The following DEAF1 variants were observed in gnomAD, a reference collection of about 807,000 sequenced individuals.
The protein encoded by DEAF1 is deformed epidermal autoregulatory factor 1 homolog.
In DEAF1, 53 loss-of-function variants were observed where a neutral mutation model predicts 58.9. That is an observed-to-expected ratio of 0.90 (90% CI 0.72 to 1.13). The LOEUF is 1.13. DEAF1 is among the 50% of genes most tolerant of loss of function. The pLI is 0.00. For missense variants in DEAF1, 685 were observed against 791.4 expected, an observed-to-expected ratio of 0.87 and a Z score of 1.61; for synonymous variants, 385 against 340.4, an observed-to-expected ratio of 1.13 and a Z score of -1.44.
At chr11:670,235 T>C (rs1859750838) in intron 10 of DEAF1, among the ~76,000 whole-genome samples, 1 of 152,068 alleles carries the variant, frequency 6.6e-6, no homozygotes, top group South Asian at 2.1e-4. Context: ...ATTGAGGCAC[T>C]TTGCTGTACA....
rs533766653 is a variant in DEAF1 at position 654,034 on chromosome 11, G to A, written c.1521C>T (p.Cys507=). 28 of 1,613,486 alleles carry A rather than the reference G, an allele frequency of 1.7e-5. No individual in the cohort carries two copies. Among genetic ancestry groups the A allele is most frequent in the East Asian group, 6.7e-5 (3 of 44,874 alleles). ...TGCACTCGCTCATAGCCTCCCGGCCGCAGTTAACGCAGGACTGCTGCAAGA... is the reference window on the plus strand; with the variant it reads ...TGCACTCGCTCATAGCCTCCCGGCCACAGTTAACGCAGGACTGCTGCAAGA... ...AERKEQSCVN[C]GREAMSECTG... The change falls in exon 11 of 12, where the codon TGC becomes TGT. Residue 507 remains cysteine, a synonymous_variant. Coordinates refer to ENST00000382409, the MANE Select transcript of DEAF1 (RefSeq NM_021008.4).
At chr11:702,392 C>T (rs1861538239) in intron 1 of DEAF1, among the ~76,000 whole-genome samples, 1 of 152,228 alleles carries the variant, frequency 6.6e-6, no homozygotes, top group African/African-American at 2.4e-5. Context: ...AGGGTGTGGC[C>T]TGGCCCTGCT....
intron 10 of DEAF1, among the ~76,000 whole-genome samples, chr11:664,102 A>G (rs1388360244): frequency 5.3e-5 from 8 of 152,108 alleles, no homozygotes; most frequent in Admixed American, 1.3e-4. Flanking sequence ...ATTCCCAGCT[A>G]CTCAGGAGGC....
At chr11:703,348 T>A in intron 1 of DEAF1, 1 of 1,396,838 alleles carries the variant, frequency 7.2e-7, no homozygotes, top group Non-Finnish European at 9.3e-7. Context: ...GGCCCTGGTG[T>A]TGGGAACAGC....
At chr11:698,754 C>A, upstream of DEAF1, 2 of 1,274,442 alleles carry the variant, frequency 1.6e-6, no homozygotes, top group Non-Finnish European at 2.3e-6. Flanking sequence ...CTGCTTTCTA[C>A]AAATACGAGA....
intron 1 of DEAF1, chr11:703,943 T>A (rs1161695849): frequency 4.8e-6 from 6 of 1,243,390 alleles, no homozygotes; most frequent in Non-Finnish European, 6.0e-6. Flanking sequence ...ATTCTAGCTC[T>A]GTGTTTTTTT....
chr11:698,899 G>A (rs1861320116), upstream of DEAF1: 3 of 1,614,064 alleles, frequency 1.9e-6, no homozygotes. Context: ...GTATCCTGCT[G>A]CGTGCCCCTC....
At chr11:652,914 TC>T (rs1181863058) in intron 11 of DEAF1, among the ~76,000 whole-genome samples, 1 of 151,242 alleles carries the variant, frequency 6.6e-6, no homozygotes, top group Non-Finnish European at 1.5e-5. Flanking sequence ...TGAGACCCCG[TC>T]TCTACTAAAA....
rs1390224885 is a variant in DEAF1, at chr11:674,787, G to C, written c.1256-4C>G. On this transcript the variant is annotated splice_region_variant and splice_polypyrimidine_tract_variant and intron_variant, in intron 9 of 11. Coordinates refer to ENST00000382409, the MANE Select transcript of DEAF1 (RefSeq NM_021008.4). Reference sequence around the variant, plus strand: ...AGCGCAGGCAGGGATGTCAACACTAGAGCATTTGGAAAGCAAAACAAACCA... The same window carrying C: ...AGCGCAGGCAGGGATGTCAACACTACAGCATTTGGAAAGCAAAACAAACCA... 6.2e-7 allele frequency: 1 copy of C among 1,610,588 alleles called. No homozygotes were observed. Among genetic ancestry groups the C allele is most frequent in the Admixed American group, 1.7e-5 (1 of 60,014 alleles).
intron 11 of DEAF1, among the ~76,000 whole-genome samples, chr11:649,824 G>C (rs746166338): frequency 8.6e-5 from 13 of 151,916 alleles, no homozygotes; most frequent in Admixed American, 2.0e-4. Context: ...TCAGGAGTTC[G>C]AGACCAGCCT....
At chr11:648,585 G>C (rs1294469646) in intron 11 of DEAF1, among the ~76,000 whole-genome samples, 1 of 152,136 alleles carries the variant, frequency 6.6e-6, no homozygotes, top group Non-Finnish European at 1.5e-5. Flanking sequence ...GCTTTTAAAA[G>C]AACGGGATGT....
At chr11:685,639 G>A (rs1277708417) in intron 5 of DEAF1, among the ~76,000 whole-genome samples, 1 of 152,092 alleles carries the variant, frequency 6.6e-6, no homozygotes, top group Admixed American at 6.5e-5. Context: ...AGGTTACAGT[G>A]AGCTGAGATC....
At chr11:676,668 C>G (rs12287651) in intron 9 of DEAF1, among the ~76,000 whole-genome samples, 73,663 of 151,608 alleles carry the variant, frequency 0.49, 19,240 homozygotes, top group East Asian at 0.73. Flanking sequence ...CCAGGCCTGG[C>G]TAATTTTGTA....
Position 691,552 on chromosome 11 carries a change from A to G in DEAF1, c.336T>C (p.Asn112=), listed in dbSNP as rs147580202. Residue 112 remains asparagine (N), a synonymous_variant, in exon 2 of 12, where the codon AAT becomes AAC. Coordinates refer to ENST00000382409, the MANE Select transcript of DEAF1 (RefSeq NM_021008.4). The part of the protein sequence containing the change: ...TVANVGAAAD[N]VFTTSVANAA... ...CGTTCGCCACAGACGTGGTGAAGAC[A>G]TTGTCTGCAGCAGCCCCCACGTTGG... is the stretch of plus-strand genomic sequence containing the variant. The G allele has an allele frequency of 2.5e-5, 41 of 1,613,782 alleles. No homozygotes were observed. The highest frequency in any genetic ancestry group is 4.4e-5 in the South Asian group (4 of 91,078).
chr11:654,196 T>A, intron 10 of DEAF1, 145 bp from the exon 11 acceptor site: 2 of 613,462 alleles, frequency 3.3e-6, no homozygotes, highest in Non-Finnish European at 5.6e-6. Context: ...TGAGATGGAG[T>A]CTCACTCTGT....
At chr11:681,584 G>C (rs1860373909) in intron 6 of DEAF1, among the ~76,000 whole-genome samples, 2 of 151,880 alleles carry the variant, frequency 1.3e-5, no homozygotes, top group African/African-American at 2.4e-5. Context: ...CTAGTGTTTT[G>C]TATTTTTAGT....
intron 10 of DEAF1, chr11:674,122 G>A: frequency 3.5e-6 from 1 of 289,730 alleles, no homozygotes; most frequent in Non-Finnish European, 6.8e-6. Flanking sequence ...GACGGAGCTC[G>A]GCTCCCAGGA....
At chr11:677,138 T>C (rs1266383712) in intron 9 of DEAF1, among the ~76,000 whole-genome samples, 3 of 151,688 alleles carry the variant, frequency 2.0e-5, no homozygotes, top group Admixed American at 6.6e-5. Context: ...TTTTTTTTTT[T>C]TCCAGTTAAT....
intron 10 of DEAF1, among the ~76,000 whole-genome samples, chr11:662,169 C>G (rs11246249): frequency 0.018 from 2,781 of 152,282 alleles, 77 homozygotes; most frequent in African/African-American, 0.062. Context: ...ATCCCAGCTA[C>G]TCGAGAGGCT....
Sources: allele counts gnomAD v4.1 joint callset (sites outside exome capture counted in the v4.1 genomes callset), GRCh38; gene constraint gnomAD v4.1.1; transcripts MANE v1.5; gene names NCBI Gene and HGNC (gene_info 2026-07-23, HGNC 2026-07-21).